The following ABCA12 variants were observed in gnomAD, a reference collection of about 807,000 sequenced individuals.
ABCA12 encodes glucosylceramide transporter ABCA12.
ABCA12 carries 156 observed loss-of-function variants against 293.5 expected under a neutral mutation model. The observed-to-expected ratio is 0.53, with a 90% CI of 0.47 to 0.61. ABCA12 has a LOEUF of 0.61. Ranked by LOEUF, ABCA12 falls within the 20% of genes least tolerant of loss-of-function variation. The pLI, the probability that ABCA12 is intolerant of heterozygous loss-of-function variation, is 0.00. For missense variants in ABCA12, 2,797 were observed against 3,090.2 expected, an observed-to-expected ratio of 0.91 and a Z score of 2.25; for synonymous variants, 1,063 against 1,108.0, an observed-to-expected ratio of 0.96 and a Z score of 0.81.
chr2:214,975,686 A>C (rs1699497892), intron 34 of ABCA12, 99 bp downstream of exon 34: 3 of 1,506,656 alleles, frequency 2.0e-6, no homozygotes, highest in Non-Finnish European at 2.8e-6. Context: ...ATGGCTTCTA[A>C]GTACTTTATT....
At chr2:215,029,381 T>G (rs1316924794) in intron 9 of ABCA12, 1 of 152,162 alleles carries the variant, frequency 6.6e-6, no homozygotes. Context: ...CCTGCTTCAG[T>G]AAGGTGGTTC....
At chr2:215,074,102 A>G (rs1575026322) in intron 2 of ABCA12, among the ~76,000 whole-genome samples, 1 of 152,130 alleles carries the variant, frequency 6.6e-6, no homozygotes, top group Non-Finnish European at 1.5e-5. Context: ...GTAGCATTGG[A>G]TAATAACCTG....
At chr2:215,037,203 T>A in intron 7 of ABCA12, 138 bp from the exon 8 acceptor site, 1 of 706,482 alleles carries the variant, frequency 1.4e-6, no homozygotes, top group Non-Finnish European at 2.5e-6. Context: ...TTTTGTAATT[T>A]AATTACTTGT....
At chr2:215,016,286 T>G (rs553934256) in intron 14 of ABCA12, among the ~76,000 whole-genome samples, 4 of 148,592 alleles carry the variant, frequency 2.7e-5, no homozygotes, top group Admixed American at 6.7e-5. Context: ...AACGTTAGTT[T>G]AAGACTTTGC....
At chr2:214,982,145 G>T (rs1209503644) in intron 30 of ABCA12, 42 bp downstream of exon 30, 2 of 1,602,766 alleles carry the variant, frequency 1.2e-6, no homozygotes, top group East Asian at 2.2e-5. Context: ...GAGGGCAGAA[G>T]TATGACTGTT....
chr2:215,049,683 A>C lies in ABCA12; in HGVS notation c.636T>G (p.Leu212=), dbSNP rs770976087. The C allele has an allele frequency of 6.2e-7, 1 of 1,613,676 alleles. No individual in the cohort carries two copies. Among genetic ancestry groups the C allele is most frequent in the Non-Finnish European group, 8.5e-7 (1 of 1,179,756 alleles). The change falls in exon 6 of 53, where the codon CTT becomes CTG. Residue 212 remains leucine, a synonymous_variant. Coordinates refer to ENST00000272895, the MANE Select transcript of ABCA12 (RefSeq NM_173076.3). ...AAGACTCTAAAAGGGTCATGTTAGA[A>C]AGGCAAAATTTGTTAAAAACATTTC... is the stretch of plus-strand genomic sequence containing the variant. ...LGRNVFNKFC[L]SNMTLLESSL...
At chr2:214,954,947 G>A (rs985733150) in intron 43 of ABCA12, among the ~76,000 whole-genome samples, 3 of 152,140 alleles carry the variant, frequency 2.0e-5, no homozygotes, top group African/African-American at 4.8e-5. Flanking sequence ...ATGTAGTGCC[G>A]CACAATACAT....
At chr2:215,086,085 G>T (rs929509509) in intron 2 of ABCA12, among the ~76,000 whole-genome samples, 1 of 152,184 alleles carries the variant, frequency 6.6e-6, no homozygotes, top group African/African-American at 2.4e-5. Flanking sequence ...AGCATCCATT[G>T]CTGTCAACTA....
At chr2:214,980,969 C>A (rs1320001591) in intron 30 of ABCA12, among the ~76,000 whole-genome samples, 1 of 151,938 alleles carries the variant, frequency 6.6e-6, no homozygotes, top group African/African-American at 2.4e-5. Context: ...CCTATAATCC[C>A]AGCTACTTGG....
At chr2:215,027,247 G>GTC (rs1700768753) in intron 9 of ABCA12, among the ~76,000 whole-genome samples, 2 of 152,266 alleles carry the variant, frequency 1.3e-5, no homozygotes, top group Admixed American at 6.5e-5. Context: ...TCTGGAGGCT[G>GTC]AGGCAAGAGA....
chr2:214,954,085 GT>G lies in ABCA12; in HGVS notation c.6415del (p.Thr2139ProfsTer7), dbSNP rs1559111933. 6.2e-7 allele frequency: 1 copy of G among 1,613,798 alleles called. No homozygotes were observed. The highest frequency in any genetic ancestry group is 1.1e-5 in the South Asian group (1 of 91,070). On this transcript the variant is annotated frameshift_variant, in exon 44 of 53. Coordinates refer to ENST00000272895, the MANE Select transcript of ABCA12 (RefSeq NM_173076.3). LOFTEE classifies it high-confidence loss of function. ...GAAAATCAGGAAAATGCGCTTGAGGGTTTCAGAAATAAGTTCTAAAGTCTGA... is the reference window on the plus strand; with the variant it reads ...GAAAATCAGGAAAATGCGCTTGAGGGTTCAGAAATAAGTTCTAAAGTCTGA... ...NDPTLELISETLKRIFLIFPQ... is the reference protein window; with the variant it reads ...NDPTLELISEXLKRIFLIFPQ...
At chr2:215,025,910 T>C in intron 10 of ABCA12, 131 bp from the exon 11 acceptor site, 1 of 639,996 alleles carries the variant, frequency 1.6e-6, no homozygotes, top group South Asian at 1.8e-5. Context: ...AATACAAACA[T>C]AAGATGAATG....
rs772093159 is a variant in ABCA12, at chr2:214,949,004, T to C, written c.6962+36A>G. ...CAATTATTTTTCTCATTTAAGTATG[T>C]TGTACTCGCTAAATTGAAGCATTAG... is the stretch of plus-strand genomic sequence containing the variant. On this transcript the variant is annotated intron_variant, in intron 46 of 52. Coordinates refer to ENST00000272895, the MANE Select transcript of ABCA12 (RefSeq NM_173076.3). 5 of 1,507,344 alleles carry C rather than the reference T, an allele frequency of 3.3e-6. No homozygotes were observed. The African/African-American group carries it at 6.9e-5, about 21-fold the overall frequency. The allele number at this position is 1,507,344 out of a possible 1,614,324, so 93.4% of individuals were successfully genotyped here.
At chr2:215,004,549 T>C (rs987741350) in intron 19 of ABCA12, among the ~76,000 whole-genome samples, 2 of 152,236 alleles carry the variant, frequency 1.3e-5, no homozygotes, top group Non-Finnish European at 2.9e-5. Context: ...CAGATGTGAC[T>C]ACAATTATCA....
rs1700388596 is a variant in ABCA12 at position 215,012,025 on chromosome 2, G to A, written c.2067C>T (p.Asp689=). 1 of 1,613,976 alleles carries A rather than the reference G, an allele frequency of 6.2e-7. No homozygotes were observed. The highest frequency in any genetic ancestry group is 1.3e-5 in the African/African-American group (1 of 75,008). The change falls in exon 16 of 53, where the codon GAC becomes GAT. Residue 689 remains aspartate, a synonymous_variant. Transcript: ENST00000272895. The stretch of plus-strand genomic sequence containing the variant: ...GCATTTGCTTCAGGGATCTCATTTT[G>A]TCTAGCAGCGGATGTGTGCCAGAAG... The part of the protein sequence containing the change: ...QMASGTHPLL[D]KMRSLKQMHL...
chr2:215,057,972 G>A (rs905692786), intron 3 of ABCA12, among the ~76,000 whole-genome samples: 6 of 151,998 alleles, frequency 3.9e-5, no homozygotes, highest in African/African-American at 2.4e-5. Context: ...AGTAAAATAA[G>A]AAAACCAGGG....
intron 26 of ABCA12, among the ~76,000 whole-genome samples, chr2:214,989,008 G>A (rs749233714): frequency 4.7e-5 from 7 of 150,088 alleles, no homozygotes; most frequent in South Asian, 2.1e-4. Flanking sequence ...GTGAAACCCC[G>A]GCTCTATTAA....
chr2:215,001,140 G>T, intron 21 of ABCA12, 120 bp from the exon 22 acceptor site: 3 of 954,442 alleles, frequency 3.1e-6, no homozygotes, highest in East Asian at 2.6e-5. Flanking sequence ...GTGACAGTAG[G>T]TTCAGGTTCT....
chr2:214,965,941 T>C (rs183293898), intron 39 of ABCA12, among the ~76,000 whole-genome samples: 3 of 152,330 alleles, frequency 2.0e-5, no homozygotes, highest in Admixed American at 2.0e-4. Flanking sequence ...CACATGTATG[T>C]TCACTGCAGT....
Sources: allele counts gnomAD v4.1 joint callset (sites outside exome capture counted in the v4.1 genomes callset), GRCh38; gene constraint gnomAD v4.1.1; transcripts MANE v1.5; gene names NCBI Gene and HGNC (gene_info 2026-07-23, HGNC 2026-07-21).